Variants in DLG2 observed in about 807,000 individuals in gnomAD.
DLG2 encodes the protein discs large MAGUK scaffold protein 2, also known as disks large homolog 2.
In DLG2, 45 loss-of-function variants were observed where a neutral mutation model predicts 132.5. The observed-to-expected ratio is 0.34, with a 90% CI of 0.27 to 0.44. The LOEUF is 0.44. DLG2 is among the 20% of genes least tolerant of loss of function. DLG2 has a pLI of 1.00. For synonymous variants in DLG2, 424 were observed against 419.6 expected, an observed-to-expected ratio of 1.01 and a Z score of -0.13; for missense variants, 1,045 against 1,196.9, an observed-to-expected ratio of 0.87 and a Z score of 1.87.
At chr11:84,741,013 G>T (rs1404423991) in intron 6 of DLG2, among the ~76,000 whole-genome samples, 1 of 150,770 alleles carries the variant, frequency 6.6e-6, no homozygotes, top group Non-Finnish European at 1.5e-5. Flanking sequence ...ACTACGCATG[G>T]CAGATGCGCC....
At chr11:85,522,738 A>G (rs1337396827) in intron 3 of DLG2, among the ~76,000 whole-genome samples, 3 of 152,192 alleles carry the variant, frequency 2.0e-5, no homozygotes, top group Non-Finnish European at 4.4e-5. Context: ...TCAGACTTCT[A>G]TGGGGTCTGT....
chr11:83,962,321 G>A (rs776136274), intron 14 of DLG2, among the ~76,000 whole-genome samples: 1 of 152,030 alleles, frequency 6.6e-6, no homozygotes, highest in East Asian at 1.9e-4. Context: ...GTAAGAACAT[G>A]GAGAAGGTAT....
intron 6 of DLG2, among the ~76,000 whole-genome samples, chr11:84,660,633 A>G (rs959110165): frequency 6.6e-6 from 1 of 152,190 alleles, no homozygotes; most frequent in Non-Finnish European, 1.5e-5. Context: ...GAACTAGACT[A>G]TGATGGAACA....
chr11:85,345,169 C>A (rs949444037), intron 3 of DLG2, among the ~76,000 whole-genome samples: 1 of 152,068 alleles, frequency 6.6e-6, no homozygotes, highest in African/African-American at 2.4e-5. Context: ...TCTCTTCATT[C>A]TTGTTATAAA....
chr11:84,219,417 T>A (rs986465639), intron 8 of DLG2, among the ~76,000 whole-genome samples: 2 of 152,204 alleles, frequency 1.3e-5, no homozygotes, highest in African/African-American at 2.4e-5. Context: ...CTTAATAAAA[T>A]CATAATTTTA....
chr11:83,994,979 A>ATTTT (rs67876577), intron 11 of DLG2, among the ~76,000 whole-genome samples: 1 of 136,288 alleles, frequency 7.3e-6, no homozygotes, highest in Non-Finnish European at 1.6e-5. Flanking sequence ...TTCTGTGTCC[A>ATTTT]TTTTTTTTTT....
intron 5 of DLG2, among the ~76,000 whole-genome samples, chr11:85,121,626 A>G (rs944980842): frequency 6.6e-5 from 10 of 152,052 alleles, no homozygotes; most frequent in African/African-American, 2.4e-4. Context: ...CATAGATGTG[A>G]TTCAATTGCC....
chr11:84,227,572 C>G, intron 8 of DLG2, among the ~76,000 whole-genome samples: 1 of 152,158 alleles, frequency 6.6e-6, no homozygotes, highest in Non-Finnish European at 1.5e-5. Flanking sequence ...AACTACCTCA[C>G]TTATCTCAGT....
intron 18 of DLG2, among the ~76,000 whole-genome samples, chr11:83,750,014 A>G (rs906369074): frequency 1.3e-5 from 2 of 152,226 alleles, no homozygotes; most frequent in Non-Finnish European, 1.5e-5. Flanking sequence ...AATTTGATAC[A>G]TGTTACCTTT....
intron 3 of DLG2, among the ~76,000 whole-genome samples, chr11:85,485,259 G>A (rs1404162871): frequency 2.6e-5 from 4 of 152,074 alleles, no homozygotes; most frequent in East Asian, 3.9e-4. Flanking sequence ...GCTAGATGAC[G>A]AGTTAGTGGG....
At chr11:85,079,341 G>C (rs2066941025) in intron 6 of DLG2, among the ~76,000 whole-genome samples, 1 of 152,010 alleles carries the variant, frequency 6.6e-6, no homozygotes, top group Admixed American at 6.6e-5. Context: ...GTCACTTGGT[G>C]CCTGAATTCC....
chr11:83,772,983 A>G (rs1021461463), intron 18 of DLG2, among the ~76,000 whole-genome samples: 2 of 152,248 alleles, frequency 1.3e-5, no homozygotes, highest in Non-Finnish European at 2.9e-5. Context: ...ATATTATGTT[A>G]GCATTAAAAA....
intron 19 of DLG2, among the ~76,000 whole-genome samples, chr11:83,571,125 A>G (rs928465256): frequency 1.3e-5 from 2 of 152,074 alleles, no homozygotes; most frequent in East Asian, 3.9e-4. Context: ...CAGGTGATCC[A>G]CCCACCTTGG....
intron 7 of DLG2, among the ~76,000 whole-genome samples, chr11:84,477,597 T>C (rs2099125252): frequency 6.6e-6 from 1 of 152,134 alleles, no homozygotes; most frequent in Non-Finnish European, 1.5e-5. Flanking sequence ...CAGAGTAAAG[T>C]ACTGAAAAAT....
intron 15 of DLG2, among the ~76,000 whole-genome samples, chr11:83,916,903 C>G (rs2077013590): frequency 6.6e-6 from 1 of 152,154 alleles, no homozygotes; most frequent in African/African-American, 2.4e-5. Flanking sequence ...ATATCCGTCA[C>G]AGACTACTGG....
chr11:83,591,223 A>T (rs2153310717), intron 19 of DLG2, among the ~76,000 whole-genome samples: 1 of 141,120 alleles, frequency 7.1e-6, no homozygotes, highest in African/African-American at 2.6e-5. Flanking sequence ...CTTGATGAAC[A>T]TTGATGCAAA....
chr11:84,962,470 C>T (rs1482260525), intron 6 of DLG2, among the ~76,000 whole-genome samples: 1 of 152,110 alleles, frequency 6.6e-6, no homozygotes, highest in Non-Finnish European at 1.5e-5. Flanking sequence ...AATAAAGATA[C>T]TAAAATATCA....
intron 6 of DLG2, among the ~76,000 whole-genome samples, chr11:84,973,250 C>T (rs544094565): frequency 1.1e-3 from 168 of 152,212 alleles, no homozygotes; most frequent in South Asian, 3.7e-3. Context: ...TGAGCCACCA[C>T]GCCTGGCCTA....
At chr11:84,859,712 CTG>C (rs2083356413) in intron 6 of DLG2, among the ~76,000 whole-genome samples, 1 of 151,834 alleles carries the variant, frequency 6.6e-6, no homozygotes, top group African/African-American at 2.4e-5. Context: ...CTTCTATAAA[CTG>C]TGACACTTGT....
Sources: gnomAD v4.1 joint callset for allele counts (sites outside exome capture counted in the v4.1 genomes callset) on GRCh38, gnomAD v4.1.1 for gene constraint, MANE v1.5 for transcripts, NCBI Gene and HGNC (gene_info 2026-07-23, HGNC 2026-07-21) for gene names.